The following FGGY variants were observed in gnomAD, a reference collection of about 807,000 sequenced individuals.
FGGY encodes the protein FGGY carbohydrate kinase domain containing, also known as FGGY carbohydrate kinase domain-containing protein.
FGGY carries 72 observed loss-of-function variants against 71.3 expected under a neutral mutation model. The ratio of observed to expected loss-of-function variants is 1.01; its 90% CI spans 0.84 to 1.23. The LOEUF (loss-of-function observed/expected upper bound fraction) is 1.23, where lower values mean the gene tolerates loss of function less well. FGGY is among the 50% of genes most tolerant of loss of function. FGGY has a pLI of 0.00. For synonymous variants in FGGY, 251 were observed against 250.3 expected (o/e 1.00, Z -0.02); for missense variants, 668 against 682.3 (o/e 0.98, Z 0.23).
intron 6 of FGGY, among the ~76,000 whole-genome samples, chr1:59,511,465 C>T (rs10889143): frequency 0.27 from 41,249 of 151,126 alleles, 5,979 homozygotes; most frequent in Middle Eastern, 0.34. Flanking sequence ...AGAGAGGGCT[C>T]GGGCTCTGTT....
intron 8 of FGGY, among the ~76,000 whole-genome samples, chr1:59,606,172 A>C (rs996803975): frequency 3.3e-5 from 5 of 152,150 alleles, no homozygotes; most frequent in African/African-American, 1.2e-4. Flanking sequence ...AATTTTAAAA[A>C]AATGGCACTA....
chr1:59,297,576 A>C (rs980237422), intron 1 of FGGY, among the ~76,000 whole-genome samples: 11 of 152,032 alleles, frequency 7.2e-5, no homozygotes, highest in Non-Finnish European at 1.6e-4. Flanking sequence ...TAATCCCAGC[A>C]CTTTGGGAGG....
intron 1 of FGGY, among the ~76,000 whole-genome samples, chr1:59,304,315 T>C (rs548413952): frequency 7.9e-5 from 12 of 152,160 alleles, no homozygotes; most frequent in Non-Finnish European, 1.6e-4. Flanking sequence ...TCCAACACCA[T>C]TTATTCAAGA....
intron 1 of FGGY, among the ~76,000 whole-genome samples, chr1:59,308,204 A>G (rs1416652556): frequency 6.6e-6 from 1 of 152,234 alleles, no homozygotes; most frequent in East Asian, 1.9e-4. Context: ...CTTAAAATGT[A>G]TAGCATGGAG....
intron 8 of FGGY, among the ~76,000 whole-genome samples, chr1:59,559,949 C>T (rs2095759066): frequency 6.6e-6 from 1 of 152,188 alleles, no homozygotes. Flanking sequence ...AAATGTTCCA[C>T]CATCAAGGAG....
chr1:59,618,822 G>A (rs1346298097), intron 9 of FGGY, among the ~76,000 whole-genome samples: 3 of 151,998 alleles, frequency 2.0e-5, no homozygotes, highest in Non-Finnish European at 4.4e-5. Flanking sequence ...GGGCATGGGA[G>A]ACAATAGCCA....
chr1:59,585,848 G>A (rs1374800019), intron 8 of FGGY, among the ~76,000 whole-genome samples: 2 of 152,152 alleles, frequency 1.3e-5, no homozygotes, highest in African/African-American at 2.4e-5. Flanking sequence ...CAACAATTGG[G>A]TGAAGGATAT....
chr1:59,566,604 C>G (rs2095876310), intron 8 of FGGY, among the ~76,000 whole-genome samples: 1 of 151,892 alleles, frequency 6.6e-6, no homozygotes, highest in South Asian at 2.1e-4. Context: ...CCATCAGTGG[C>G]TCCCTACTGC....
At chr1:59,684,329 T>A (rs1226465431) in intron 14 of FGGY, among the ~76,000 whole-genome samples, 1 of 152,154 alleles carries the variant, frequency 6.6e-6, no homozygotes, top group Admixed American at 6.5e-5. Context: ...TGTGAAAGAT[T>A]CCATTGCAAT....
intron 8 of FGGY, among the ~76,000 whole-genome samples, chr1:59,601,931 G>A (rs1449172311): frequency 6.6e-6 from 1 of 152,126 alleles, no homozygotes; most frequent in Non-Finnish European, 1.5e-5. Flanking sequence ...GCAAGTACTA[G>A]GGGTACTACC....
At chr1:59,356,066 G>A (rs1007421949) in intron 4 of FGGY, among the ~76,000 whole-genome samples, 1 of 152,040 alleles carries the variant, frequency 6.6e-6, no homozygotes, top group African/African-American at 2.4e-5. Context: ...AGAAGGGAAC[G>A]GCTGGAGCTG....
chr1:59,613,209 CA>C (rs1380310573), intron 9 of FGGY, among the ~76,000 whole-genome samples: 1 of 152,330 alleles, frequency 6.6e-6, no homozygotes, highest in East Asian at 1.9e-4. Flanking sequence ...TTCTCAGCAA[CA>C]CACCACACCT....
intron 14 of FGGY, among the ~76,000 whole-genome samples, chr1:59,748,549 C>T (rs1181114989): frequency 1.3e-5 from 2 of 152,170 alleles, no homozygotes; most frequent in Non-Finnish European, 2.9e-5. Context: ...CCCAGCATGG[C>T]CAGCCCAGTA....
rs6686937 is a variant in FGGY at position 59,623,543 on chromosome 1, T to A, written c.1012-2445T>A. On this transcript the variant is annotated intron_variant, in intron 9 of 15. Transcript: ENST00000303721. ...CACAAACTTTTATTAACCACCCATG[T>A]TATGCCAGGCATGAGGCTAAACCAG... Among the ~76,000 whole-genome samples, 1,152 of 152,310 alleles carry A rather than the reference T, an allele frequency of 7.6e-3. 17 individuals carry two copies. The highest frequency in any genetic ancestry group is 0.026 in the African/African-American group (1,099 of 41,558).
chr1:59,347,494 A>G (rs1455974806), intron 4 of FGGY, among the ~76,000 whole-genome samples: 2 of 152,092 alleles, frequency 1.3e-5, no homozygotes, highest in East Asian at 3.9e-4. Context: ...AATCCAGTCT[A>G]TCATTGTTGG....
chr1:59,489,716 C>A (rs2093767059), intron 6 of FGGY, among the ~76,000 whole-genome samples: 1 of 152,022 alleles, frequency 6.6e-6, no homozygotes, highest in South Asian at 2.1e-4. Flanking sequence ...ATTTTGTTTC[C>A]TTTGGATAAA....
At chr1:59,413,735 C>T (rs1016146048) in intron 5 of FGGY, among the ~76,000 whole-genome samples, 8 of 152,108 alleles carry the variant, frequency 5.3e-5, no homozygotes, top group Non-Finnish European at 7.4e-5. Context: ...CCGAGGTGTG[C>T]GGATTGCTTG....
chr1:59,464,884 C>T, intron 6 of FGGY, among the ~76,000 whole-genome samples: 1 of 152,090 alleles, frequency 6.6e-6, no homozygotes, highest in East Asian at 1.9e-4. Flanking sequence ...ATTTAATAGC[C>T]TACCAACCAA....
intron 8 of FGGY, among the ~76,000 whole-genome samples, chr1:59,600,865 G>C (rs989205702): frequency 1.3e-5 from 2 of 152,006 alleles, no homozygotes; most frequent in East Asian, 1.9e-4. Context: ...ATAAGATATG[G>C]CTCCTCACTA....
Sources: allele counts gnomAD v4.1 joint callset (sites outside exome capture counted in the v4.1 genomes callset), GRCh38; gene constraint gnomAD v4.1.1; transcripts MANE v1.5; gene names NCBI Gene and HGNC (gene_info 2026-07-23, HGNC 2026-07-21).